The following GRK4 variants were observed in gnomAD, a reference collection of about 807,000 sequenced individuals.
The protein encoded by GRK4 is G protein-coupled receptor kinase 4.
A neutral mutation model predicts 77.9 loss-of-function variants in GRK4; 73 were observed. The ratio of observed to expected loss-of-function variants is 0.94; its 90% CI spans 0.78 to 1.14. The LOEUF (loss-of-function observed/expected upper bound fraction) is 1.14. Ranked by LOEUF, GRK4 falls within the 50% of genes most tolerant of loss-of-function variation. GRK4 has a pLI of 0.00. For missense variants in GRK4, 729 were observed against 700.2 expected (o/e 1.04, Z -0.46); for synonymous variants, 257 against 254.4 (o/e 1.01, Z -0.10).
At chr4:3,016,803 A>G (rs997493341) in intron 8 of GRK4, among the ~76,000 whole-genome samples, 3 of 152,184 alleles carry the variant, frequency 2.0e-5, no homozygotes, top group African/African-American at 4.8e-5. Flanking sequence ...CTTTATGAAA[A>G]GAACAGAAAC....
chr4:2,970,564 G>A (rs372843597), intron 1 of GRK4, among the ~76,000 whole-genome samples: 10 of 151,666 alleles, frequency 6.6e-5, no homozygotes, highest in East Asian at 3.9e-4. Context: ...AGGCTGAGGC[G>A]GGAGAATCAC....
At chr4:3,016,736 A>C (rs961387730) in intron 8 of GRK4, among the ~76,000 whole-genome samples, 2 of 151,972 alleles carry the variant, frequency 1.3e-5, no homozygotes, top group African/African-American at 4.8e-5. Context: ...ATACAAAAAA[A>C]CAAAACAAAA....
rs1041220526 is a variant in GRK4, at chr4:2,963,676, G to C, written c.-395G>C. On this transcript the variant is annotated 5_prime_UTR_variant, in exon 1 of 16. Coordinates refer to ENST00000398052, the MANE Select transcript of GRK4 (RefSeq NM_182982.3). Reference sequence around the variant, plus strand: ...CCGGCCGCGGCGGGCGCCCCTGCCAGTGAGCCCCTGTCCGAAGTGAGCCAC... The same window carrying C: ...CCGGCCGCGGCGGGCGCCCCTGCCACTGAGCCCCTGTCCGAAGTGAGCCAC... The C allele has an allele frequency of 2.8e-6, 1 of 362,616 alleles. No individual in the cohort carries two copies. Among genetic ancestry groups the C allele is most frequent in the African/African-American group, 2.1e-5 (1 of 46,570 alleles). The allele number at this position is 362,616 out of a possible 1,614,324, so 22.5% of individuals were successfully genotyped here.
Position 3,029,331 on chromosome 4 carries a change from G to T in GRK4, c.1191G>T (p.Glu397Asp). The change falls in exon 12 of 16, where the codon GAG becomes GAT. Residue 397 changes from glutamate to aspartate, a missense_variant. Transcript: ENST00000398052. Reference protein sequence around the residue: ...KKYKEKVKWEEVDQRIKNDTE... With the variant: ...KKYKEKVKWEDVDQRIKNDTE... ...ACAAAGAGAAAGTCAAATGGGAGGA[G>T]GTCGATCAAAGAATCAAGAATGATA... 1 of 1,614,110 alleles carries T rather than the reference G, an allele frequency of 6.2e-7. No individual in the cohort carries two copies.
At chr4:2,978,271 A>T (rs1206873909) in intron 1 of GRK4, among the ~76,000 whole-genome samples, 1 of 152,246 alleles carries the variant, frequency 6.6e-6, no homozygotes, top group African/African-American at 2.4e-5. Flanking sequence ...AAGCTAATTG[A>T]TAATATGCTA....
At chr4:3,038,016 G>A (rs1209337290) in intron 14 of GRK4, among the ~76,000 whole-genome samples, 44 of 152,200 alleles carry the variant, frequency 2.9e-4, no homozygotes, top group Non-Finnish European at 4.4e-5. Flanking sequence ...AAGCACAGCG[G>A]CTGTCCCTGG....
At chr4:2,996,181 T>G (rs919571693) in intron 4 of GRK4, among the ~76,000 whole-genome samples, 2 of 152,128 alleles carry the variant, frequency 1.3e-5, no homozygotes, top group Non-Finnish European at 2.9e-5. Flanking sequence ...TGTCTGAGCA[T>G]GTGGACACAA....
intron 4 of GRK4, among the ~76,000 whole-genome samples, chr4:3,000,589 A>C (rs1273475542): frequency 6.9e-6 from 1 of 145,034 alleles, no homozygotes; most frequent in Admixed American, 6.9e-5. Context: ...TTTTTTTGAA[A>C]CAGTCTTGCT....
chr4:2,980,527 GCAAATA>G (rs1722575963), intron 1 of GRK4, among the ~76,000 whole-genome samples: 1 of 151,342 alleles, frequency 6.6e-6, no homozygotes, highest in Non-Finnish European at 1.5e-5. Context: ...ATCTCAATGT[GCAAATA>G]CCCCAGAACA....
At chr4:2,964,147 ACCC>A in intron 1 of GRK4, 25 bp downstream of exon 1, 3 of 1,152,742 alleles carry the variant, frequency 2.6e-6, no homozygotes, top group Non-Finnish European at 3.5e-6. Flanking sequence ...GGCGCCCCCG[ACCC>A]CCCCCCCAGA....
intron 12 of GRK4, among the ~76,000 whole-genome samples, chr4:3,034,194 A>G (rs1251144222): frequency 1.3e-5 from 2 of 152,234 alleles, no homozygotes; most frequent in Non-Finnish European, 2.9e-5. Context: ...AGAATTTAGC[A>G]GGAGTCAGCA....
At position 3,019,882 on chromosome 4, in the gene GRK4, C is replaced by G. The variant is rs375066699; in HGVS notation, c.932+51C>G. 3.9e-6 allele frequency: 6 copies of G among 1,543,320 alleles called. No homozygotes were observed. The Admixed American group carries it at 9.1e-5, about 24-fold the overall frequency. ...CCTGCAAGTCTTGGAGCCGGTTTCT[C>G]CCAGCCCTAGGCTTCCCTGGTTCAC... is the stretch of plus-strand genomic sequence containing the variant. On this transcript the variant is annotated intron_variant, in intron 9 of 15. Coordinates refer to ENST00000398052, the MANE Select transcript of GRK4 (RefSeq NM_182982.3).
intron 1 of GRK4, among the ~76,000 whole-genome samples, chr4:2,970,583 G>A (rs1719210654): frequency 1.3e-5 from 2 of 151,768 alleles, no homozygotes; most frequent in African/African-American, 2.4e-5. Flanking sequence ...ACTTGAACCC[G>A]GGAGGTGGAG....
chr4:3,020,924 T>C (rs911016337), intron 9 of GRK4, among the ~76,000 whole-genome samples: 2 of 152,232 alleles, frequency 1.3e-5, no homozygotes, highest in African/African-American at 4.8e-5. Context: ...ATTTACATTG[T>C]GTCCGGTAGT....
intron 12 of GRK4, among the ~76,000 whole-genome samples, chr4:3,031,698 C>T (rs549593576): frequency 1.3e-5 from 2 of 152,268 alleles, no homozygotes; most frequent in East Asian, 1.9e-4. Context: ...ATGAGAGGGA[C>T]GCTCAGAGAG....
intron 1 of GRK4, among the ~76,000 whole-genome samples, chr4:2,980,809 TGA>T (rs1424043634): frequency 1.3e-5 from 2 of 152,232 alleles, no homozygotes; most frequent in Non-Finnish European, 2.9e-5. Context: ...CGGCTTTACC[TGA>T]GTTTTGCTTG....
At chr4:2,998,946 C>G (rs1340940985) in intron 4 of GRK4, among the ~76,000 whole-genome samples, 3 of 152,086 alleles carry the variant, frequency 2.0e-5, no homozygotes, top group African/African-American at 7.2e-5. Flanking sequence ...AGGACTCGCA[C>G]TCCTCAATTT....
intron 6 of GRK4, among the ~76,000 whole-genome samples, chr4:3,008,386 C>T (rs1376321136): frequency 6.6e-6 from 1 of 152,128 alleles, no homozygotes; most frequent in Non-Finnish European, 1.5e-5. Context: ...GTGGCAGGTC[C>T]TTGTTCTATA....
At chr4:3,016,026 A>G (rs1734382996) in intron 8 of GRK4, among the ~76,000 whole-genome samples, 1 of 150,730 alleles carries the variant, frequency 6.6e-6, no homozygotes, top group Admixed American at 6.6e-5. Flanking sequence ...CTCCTGCCTC[A>G]GCCTCCCGAG....
Sources: gnomAD v4.1 joint callset for allele counts (sites outside exome capture counted in the v4.1 genomes callset) on GRCh38, gnomAD v4.1.1 for gene constraint, MANE v1.5 for transcripts, NCBI Gene and HGNC (gene_info 2026-07-23, HGNC 2026-07-21) for gene names.